The following VPS8 variants were observed in gnomAD, a reference collection of about 807,000 sequenced individuals.
VPS8 encodes the protein VPS8 subunit of CORVET complex, also known as vacuolar protein sorting-associated protein 8 homolog.
VPS8 carries 129 observed loss-of-function variants against 216.4 expected under a neutral mutation model. That is an observed-to-expected ratio of 0.60 (90% confidence interval 0.52 to 0.69). The LOEUF (loss-of-function observed/expected upper bound fraction) is 0.69. Among genes scored for constraint, VPS8 ranks in the 30% least tolerant of loss-of-function variants. The pLI is 0.00. For missense variants in VPS8, 1,531 were observed against 1,683.5 expected, an observed-to-expected ratio of 0.91 and a Z score of 1.59; for synonymous variants, 571 against 565.4, an observed-to-expected ratio of 1.01 and a Z score of -0.14.
At chr3:184,932,474 A>G (rs1326326953) in intron 34 of VPS8, among the ~76,000 whole-genome samples, 1 of 152,186 alleles carries the variant, frequency 6.6e-6, no homozygotes, top group African/African-American at 2.4e-5. Flanking sequence ...CATAAAACAA[A>G]TGTATAGCTT....
chr3:184,842,092 A>G (rs937396269), intron 7 of VPS8, among the ~76,000 whole-genome samples: 4 of 147,090 alleles, frequency 2.7e-5, no homozygotes, highest in African/African-American at 1.0e-4. Flanking sequence ...TTATAAGAAT[A>G]TGTGGAATGG....
In VPS8 at chr3:184,930,554, A is replaced by G. The variant is rs373010714; in HGVS notation, c.2884A>G (p.Met962Val). ...GAAGCAGTCTGTATGGCAGAAAGCA[A>G]TGGATCATATTGAGGTACTGATGCG... ...EEKQSVWQKA[M>V]DHIEELVSLK... The change falls in exon 34 of 48, where the codon ATG (methionine) becomes GTG (valine). Residue 962 changes from methionine (M) to valine (V), a missense_variant. Met to Val is a conservative substitution (Grantham distance 21). Around this residue, in one of 3 missense-constraint regions of VPS8, gnomAD observed 1,318 missense variants for 1,468.4 expected, o/e 0.90. Coordinates refer to ENST00000625842, the MANE Select transcript of VPS8 (RefSeq NM_001009921.3). 164 of 1,612,512 alleles carry G rather than the reference A, an allele frequency of 1.0e-4. No individual in the cohort carries two copies. The highest frequency in any genetic ancestry group is 1.2e-4 in the Non-Finnish European group (145 of 1,178,712).
intron 39 of VPS8, among the ~76,000 whole-genome samples, chr3:184,968,409 T>G (rs1475016356): frequency 6.6e-6 from 1 of 152,190 alleles, no homozygotes; most frequent in Non-Finnish European, 1.5e-5. Context: ...ACAAGTGGGA[T>G]TGCTGGATCA....
intron 25 of VPS8, among the ~76,000 whole-genome samples, chr3:184,903,210 C>G (rs566847677): frequency 1.3e-5 from 2 of 152,258 alleles, no homozygotes; most frequent in South Asian, 4.1e-4. Flanking sequence ...GTCTCAAAAT[C>G]ACATATTTTA....
At chr3:185,002,060 A>G (rs1057365737) in intron 45 of VPS8, among the ~76,000 whole-genome samples, 2 of 152,234 alleles carry the variant, frequency 1.3e-5, no homozygotes, top group Admixed American at 1.3e-4. Context: ...CAACAAACCC[A>G]GAACTAGAAG....
At chr3:184,822,385 A>T (rs1717794596) in intron 1 of VPS8, among the ~76,000 whole-genome samples, 2 of 152,140 alleles carry the variant, frequency 1.3e-5, no homozygotes, top group South Asian at 4.1e-4. Context: ...CTTCAGTGTG[A>T]TATTGGGGTT....
chr3:185,019,080 C>T (rs1756258038), intron 45 of VPS8, among the ~76,000 whole-genome samples: 1 of 152,150 alleles, frequency 6.6e-6, no homozygotes, highest in African/African-American at 2.4e-5. Flanking sequence ...TCTCCTTCCT[C>T]CTCATCATTA....
chr3:184,927,648 T>G (rs989374230), intron 31 of VPS8, among the ~76,000 whole-genome samples: 1 of 152,204 alleles, frequency 6.6e-6, no homozygotes, highest in Non-Finnish European at 1.5e-5. Context: ...GGTATTCACA[T>G]TGTACAATCC....
At chr3:184,996,827 A>G (rs1285125876) in intron 44 of VPS8, among the ~76,000 whole-genome samples, 1 of 152,188 alleles carries the variant, frequency 6.6e-6, no homozygotes, top group African/African-American at 2.4e-5. Context: ...GGAGGAGCAA[A>G]GGTGCTGAGA....
At chr3:184,998,709 G>T (rs186084843) in intron 44 of VPS8, among the ~76,000 whole-genome samples, 29 of 152,054 alleles carry the variant, frequency 1.9e-4, no homozygotes, top group African/African-American at 6.8e-4. Context: ...AGGCTGATTT[G>T]GTAATTTAGT....
At chr3:184,972,936 A>G (rs1038760020) in intron 40 of VPS8, among the ~76,000 whole-genome samples, 4 of 152,212 alleles carry the variant, frequency 2.6e-5, no homozygotes, top group South Asian at 2.1e-4. Flanking sequence ...TTATATATCT[A>G]TATTTAGCCA....
At chr3:184,899,319 C>T (rs1734070317) in intron 24 of VPS8, among the ~76,000 whole-genome samples, 1 of 152,154 alleles carries the variant, frequency 6.6e-6, no homozygotes, top group Non-Finnish European at 1.5e-5. Flanking sequence ...ATTATAGTGT[C>T]CCTCAAAAAA....
chr3:184,860,458 TAC>T (rs1471948668), intron 15 of VPS8, among the ~76,000 whole-genome samples: 11 of 77,982 alleles, frequency 1.4e-4, no homozygotes, highest in East Asian at 1.3e-3. Context: ...TATGTATGTA[TAC>T]ACACACATAC....
At chr3:184,832,845 G>T in intron 4 of VPS8, 26 bp downstream of exon 4, 1 of 1,594,798 alleles carries the variant, frequency 6.3e-7, no homozygotes, top group South Asian at 1.1e-5. Context: ...AATCATACTT[G>T]CTTACAGTTG....
intron 1 of VPS8, among the ~76,000 whole-genome samples, chr3:184,818,407 C>G (rs1333502666): frequency 6.6e-6 from 1 of 151,638 alleles, no homozygotes. Flanking sequence ...CCTGTAGACC[C>G]AGCTACTTGG....
chr3:184,875,648 A>G (rs893302000), intron 21 of VPS8, among the ~76,000 whole-genome samples: 1 of 151,838 alleles, frequency 6.6e-6, no homozygotes, highest in Non-Finnish European at 1.5e-5. Context: ...CTAATATCCT[A>G]TGCTTTCTTG....
chr3:184,922,357 G>T (rs949387646), intron 29 of VPS8: 1 of 441,582 alleles, frequency 2.3e-6, no homozygotes, highest in Non-Finnish European at 4.5e-6. Flanking sequence ...GTAGACTTGA[G>T]CTTCCTGAAG....
intron 45 of VPS8, among the ~76,000 whole-genome samples, chr3:185,010,407 A>G (rs1754849612): frequency 6.6e-6 from 1 of 152,216 alleles, no homozygotes; most frequent in Admixed American, 6.5e-5. Flanking sequence ...GAGGAAAAGA[A>G]AACAACCCAT....
chr3:184,846,431 CTT>C (rs1289400068), intron 8 of VPS8, among the ~76,000 whole-genome samples: 1 of 152,200 alleles, frequency 6.6e-6, no homozygotes, highest in Non-Finnish European at 1.5e-5. Flanking sequence ...CATTGCCACT[CTT>C]CTCTATTTCC....
Sources: allele counts gnomAD v4.1 joint callset (sites outside exome capture counted in the v4.1 genomes callset), GRCh38; gene constraint gnomAD v4.1.1; regional missense constraint gnomAD v4.1.1; transcripts MANE v1.5; gene names NCBI Gene and HGNC (gene_info 2026-07-23, HGNC 2026-07-21).